SKAP2: variants seen among roughly 807,000 people sequenced by gnomAD.
The protein encoded by SKAP2 is src kinase associated phosphoprotein 2, also known as src kinase-associated phosphoprotein 2.
SKAP2 carries 28 observed loss-of-function variants against 54.9 expected under a neutral mutation model. The ratio of observed to expected loss-of-function variants is 0.51; its 90% CI spans 0.38 to 0.70. SKAP2 has a LOEUF of 0.70. Ranked by LOEUF, SKAP2 falls within the 30% of genes least tolerant of loss-of-function variation. The probability of loss-of-function intolerance (pLI) is 0.00; values close to 1 mark genes in which losing one functional copy is unlikely to be tolerated. For synonymous variants in SKAP2, 137 were observed against 134.3 expected, an observed-to-expected ratio of 1.02 and a Z score of -0.14; for missense variants, 356 against 424.1, an observed-to-expected ratio of 0.84 and a Z score of 1.41.
intron 4 of SKAP2, among the ~76,000 whole-genome samples, chr7:26,798,947 A>G (rs1291337778): frequency 1.3e-5 from 2 of 152,094 alleles, no homozygotes; most frequent in Non-Finnish European, 2.9e-5. Context: ...AAGAGACTAA[A>G]TCATAACACC....
chr7:26,850,766 C>T (rs561236816), intron 3 of SKAP2, among the ~76,000 whole-genome samples: 1 of 152,086 alleles, frequency 6.6e-6, no homozygotes, highest in Non-Finnish European at 1.5e-5. Context: ...AGATTCAAAT[C>T]TTTCCTAAGT....
At chr7:26,675,803 T>C (rs866280500) in intron 11 of SKAP2, among the ~76,000 whole-genome samples, 1 of 152,240 alleles carries the variant, frequency 6.6e-6, no homozygotes, top group African/African-American at 2.4e-5. Context: ...TGTTCCCACC[T>C]GTGGCAGGCT....
intron 10 of SKAP2, among the ~76,000 whole-genome samples, chr7:26,687,255 C>T (rs1002091873): frequency 2.0e-5 from 3 of 151,058 alleles, no homozygotes; most frequent in East Asian, 2.0e-4. Context: ...ATGCATCTCT[C>T]CCTAGATGTG....
downstream of SKAP2, among the ~76,000 whole-genome samples, chr7:26,662,837 C>G (rs1786037570): frequency 6.6e-6 from 1 of 152,062 alleles, no homozygotes; most frequent in Non-Finnish European, 1.5e-5. Flanking sequence ...GCAGAGGGCA[C>G]ACTTGACGTT....
intron 11 of SKAP2, among the ~76,000 whole-genome samples, chr7:26,671,146 C>G (rs1260797043): frequency 1.3e-5 from 2 of 152,018 alleles, no homozygotes; most frequent in African/African-American, 4.8e-5. Flanking sequence ...ATTTTTATCT[C>G]AAATTTATTT....
chr7:26,813,420 G>A (rs954326688), intron 4 of SKAP2, among the ~76,000 whole-genome samples: 6 of 152,142 alleles, frequency 3.9e-5, no homozygotes, highest in African/African-American at 1.4e-4. Flanking sequence ...CAACAAAAAT[G>A]GTTATAAGCT....
At chr7:26,848,323 T>A (rs10272190) in intron 3 of SKAP2, among the ~76,000 whole-genome samples, 32,257 of 152,028 alleles carry the variant, frequency 0.21, 3,511 homozygotes, top group Non-Finnish European at 0.24. Flanking sequence ...CATCCCTAAA[T>A]CAACAGAACT....
At chr7:26,747,776 C>T (rs756813013) in intron 4 of SKAP2, among the ~76,000 whole-genome samples, 7 of 151,360 alleles carry the variant, frequency 4.6e-5, no homozygotes, top group Non-Finnish European at 7.4e-5. Context: ...CCTTCCTTTT[C>T]CCCCTCTTCC....
At chr7:26,718,904 T>C (rs1401982279) in intron 9 of SKAP2, among the ~76,000 whole-genome samples, 1 of 152,124 alleles carries the variant, frequency 6.6e-6, no homozygotes. Flanking sequence ...TAGTAGCTAG[T>C]GAAATGGCTC....
At chr7:26,757,158 CAGA>C (rs1167862102) in intron 4 of SKAP2, among the ~76,000 whole-genome samples, 1 of 152,146 alleles carries the variant, frequency 6.6e-6, no homozygotes, top group Non-Finnish European at 1.5e-5. Flanking sequence ...TTTTGCTGTG[CAGA>C]AGCTCTTGAG....
chr7:26,827,193 A>G (rs533612392), intron 4 of SKAP2, among the ~76,000 whole-genome samples: 8 of 152,288 alleles, frequency 5.3e-5, no homozygotes, highest in African/African-American at 1.9e-4. Context: ...AGCAAGGAGG[A>G]GCTTCTGGAG....
chr7:26,720,147 G>A (rs1323982637), intron 9 of SKAP2, among the ~76,000 whole-genome samples: 2 of 151,828 alleles, frequency 1.3e-5, no homozygotes, highest in Non-Finnish European at 2.9e-5. Flanking sequence ...CATACTCTGG[G>A]GTCAATATCT....
At chr7:26,766,692 T>C (rs1173281620) in intron 4 of SKAP2, among the ~76,000 whole-genome samples, 1 of 151,504 alleles carries the variant, frequency 6.6e-6, no homozygotes. Flanking sequence ...GGGCTGTTTT[T>C]ATTGAAGGCC....
At position 26,794,727 on chromosome 7, in the gene SKAP2, T is replaced by G. The variant is rs561957181; in HGVS notation, c.307+49303A>C. Among the ~76,000 whole-genome samples the G allele has an allele frequency of 3.3e-5, 5 of 152,228 alleles. No homozygotes were observed. In the East Asian group the frequency reaches 9.6e-4, roughly 29 times the overall value. ...CTTGTCCAACCCCCTGCCACTGGACTGTAAGAAGGCAGATATCTTGTCCAG... is the reference window on the plus strand; with the variant it reads ...CTTGTCCAACCCCCTGCCACTGGACGGTAAGAAGGCAGATATCTTGTCCAG... On this transcript the variant is annotated intron_variant, in intron 4 of 12. Transcript: ENST00000345317.
At chr7:26,700,336 T>G (rs913210534) in intron 9 of SKAP2, among the ~76,000 whole-genome samples, 9 of 152,188 alleles carry the variant, frequency 5.9e-5, no homozygotes, top group African/African-American at 2.2e-4. Flanking sequence ...CTAGTTAACA[T>G]AAAAGACTCT....
Position 26,725,447 on chromosome 7 carries a change from T to G in SKAP2, c.777A>C (p.Glu259Asp), listed in dbSNP as rs749365286. The change falls in exon 9 of 13, where the codon GAA becomes GAC. Residue 259 changes from glutamate (E) to aspartate (D), a missense_variant. Physicochemically the swap from Glu to Asp is conservative, Grantham distance 45. Coordinates refer to ENST00000345317, the MANE Select transcript of SKAP2 (RefSeq NM_003930.5). ...AAATACCTGGAAGTTCTTCATAAAT[T>G]TCATCATCTATTGGTTGACTGCTTG... ...PLTSSQPIDD[E>D]IYEELPEEEE... The G allele has an allele frequency of 6.2e-7, 1 of 1,610,710 alleles. No individual in the cohort carries two copies. Among genetic ancestry groups the G allele is most frequent in the South Asian group, 1.1e-5 (1 of 90,596 alleles).
chr7:26,671,025 A>ACCTAT (rs147280790), intron 11 of SKAP2, among the ~76,000 whole-genome samples: 2,232 of 152,116 alleles, frequency 0.015, 39 homozygotes, highest in African/African-American at 0.049. Flanking sequence ...AGATAAACAA[A>ACCTAT]CCTATACCTC....
chr7:26,817,522 C>T (rs1413221238), intron 4 of SKAP2, among the ~76,000 whole-genome samples: 7 of 152,054 alleles, frequency 4.6e-5, no homozygotes, highest in African/African-American at 1.7e-4. Context: ...GCATTTTTAC[C>T]ATCCAAAGGA....
rs191188394 is a variant in SKAP2 at position 26,739,287 on chromosome 7, T to C, written c.386-409A>G. ...AAGCTAAGAAAAGCAAAATGAAATATAAATAGAAAGGCCTAAAGGGACTAC... is the reference window on the plus strand; with the variant it reads ...AAGCTAAGAAAAGCAAAATGAAATACAAATAGAAAGGCCTAAAGGGACTAC... On this transcript the variant is annotated intron_variant, in intron 5 of 12. Coordinates refer to ENST00000345317, the MANE Select transcript of SKAP2 (RefSeq NM_003930.5). 2.0e-5 allele frequency among the ~76,000 whole-genome samples: 3 copies of C among 152,274 alleles called. No homozygotes were observed. The East Asian group carries it at 5.8e-4, about 29-fold the overall frequency.
Sources: gnomAD v4.1 joint callset for allele counts (sites outside exome capture counted in the v4.1 genomes callset) on GRCh38, gnomAD v4.1.1 for gene constraint, MANE v1.5 for transcripts, NCBI Gene and HGNC (gene_info 2026-07-23, HGNC 2026-07-21) for gene names.